The following TBX18 variants were observed in gnomAD, a reference collection of about 807,000 sequenced individuals.
TBX18 encodes T-box transcription factor 18.
TBX18 carries 21 observed loss-of-function variants against 55.0 expected under a neutral mutation model. The observed-to-expected ratio is 0.38, with a 90% CI of 0.27 to 0.55. TBX18 has a LOEUF of 0.55. Among genes scored for constraint, TBX18 ranks in the 20% least tolerant of loss-of-function variants. The pLI is 0.73. For synonymous variants in TBX18, 342 were observed against 326.1 expected (o/e 1.05, Z -0.53); for missense variants, 840 against 799.6 (o/e 1.05, Z -0.61).
rs1304557557 is a variant in TBX18, at chr6:84,762,698, C to T, written c.343G>A (p.Gly115Arg). 9.9e-6 allele frequency: 16 copies of T among 1,610,778 alleles called. No homozygotes were observed. The highest frequency in any genetic ancestry group is 1.3e-5 in the Non-Finnish European group (15 of 1,179,132). The change falls in exon 2 of 8, where the codon GGA (glycine) becomes AGA (arginine). Residue 115 changes from glycine to arginine, a missense_variant. Transcript: ENST00000369663. The part of the protein sequence containing the change: ...QQGASPLASP[G>R]GSPKGSPARS... ...GCCGGAGACCCCTTGGGGGAGCCTC[C>T]CGGTGACGCCAGAGGGGAAGCTCCC...
chr6:84,751,453 G>A (rs375242072), intron 4 of TBX18, among the ~76,000 whole-genome samples: 1 of 152,166 alleles, frequency 6.6e-6, no homozygotes, highest in South Asian at 2.1e-4. Context: ...GATTGCTCAA[G>A]AAAAATAATA....
At chr6:84,739,284 A>T (rs1200254125) in intron 6 of TBX18, among the ~76,000 whole-genome samples, 6 of 152,076 alleles carry the variant, frequency 3.9e-5, no homozygotes, top group Non-Finnish European at 8.8e-5. Context: ...AAATTATTTT[A>T]AAACCCTGAA....
At chr6:84,762,840 GA>G in intron 1 of TBX18, 92 bp from the exon 2 acceptor site, 1 of 1,240,376 alleles carries the variant, frequency 8.1e-7, no homozygotes, top group Non-Finnish European at 1.1e-6. Context: ...CTGAGAAGAG[GA>G]AAATGACCGG....
Position 84,764,398 on chromosome 6 carries a change from T to A in TBX18, c.-217A>T. On this transcript the variant is annotated 5_prime_UTR_variant, in exon 1 of 8. Transcript: ENST00000369663. Reference sequence around the variant, plus strand: ...GACGCGCCGGCCAAGTCTCCTTTCCTGGGTCTCTCTCGCGCGCTCTCTCAC... The same window carrying A: ...GACGCGCCGGCCAAGTCTCCTTTCCAGGGTCTCTCTCGCGCGCTCTCTCAC... 1.6e-6 allele frequency: 1 copy of A among 610,162 alleles called. No homozygotes were observed. The highest frequency in any genetic ancestry group is 2.6e-6 in the Non-Finnish European group (1 of 385,686). 37.8% of individuals were successfully genotyped at this position (610,162 alleles called of 1,614,324 possible).
Position 84,764,347 on chromosome 6 carries a change from G to T in TBX18, c.-166C>A. On this transcript the variant is annotated 5_prime_UTR_variant, in exon 1 of 8. Coordinates refer to ENST00000369663, the MANE Select transcript of TBX18 (RefSeq NM_001080508.3). ...ACAGATTTGGCGTTTCCGCTTTCTCGCTTGTGTTGGGATCCAGGAACCGGC... is the reference window on the plus strand; with the variant it reads ...ACAGATTTGGCGTTTCCGCTTTCTCTCTTGTGTTGGGATCCAGGAACCGGC... The T allele has an allele frequency of 9.9e-7, 1 of 1,013,290 alleles. No homozygotes were observed. Among genetic ancestry groups the T allele is most frequent in the Non-Finnish European group, 1.3e-6 (1 of 751,538 alleles). The allele number at this position is 1,013,290 out of a possible 1,614,324, so 62.8% of individuals were successfully genotyped here.
At position 84,733,148 on chromosome 6, in the gene TBX18, T is replaced by A. The variant is rs1009174084; in HGVS notation, c.*3537A>T. 1 of 152,216 alleles carries A rather than the reference T, an allele frequency of 6.6e-6. No individual in the cohort carries two copies. The highest frequency in any genetic ancestry group is 1.5e-5 in the Non-Finnish European group (1 of 68,034). 9.4% of individuals were successfully genotyped at this position (152,216 alleles called of 1,614,324 possible). ...CACATTATTTGAAAATATATCAGCA[T>A]GTAGAGGGATACTAAGTTTATATAT... On this transcript the variant is annotated 3_prime_UTR_variant, in exon 8 of 8. Transcript: ENST00000369663.
intron 6 of TBX18, among the ~76,000 whole-genome samples, chr6:84,743,882 A>C (rs1712438576): frequency 6.6e-6 from 1 of 152,220 alleles, no homozygotes; most frequent in African/African-American, 2.4e-5. Flanking sequence ...ATCGTACTCC[A>C]CAGACAATAT....
rs1773920984 is a variant in TBX18, at chr6:84,735,731, AAAAC to A, written c.*950_*953del. 1 of 152,196 alleles carries A rather than the reference AAAAC, an allele frequency of 6.6e-6. No homozygotes were observed. Among genetic ancestry groups the A allele is most frequent in the Non-Finnish European group, 1.5e-5 (1 of 68,020 alleles). 9.4% of individuals were successfully genotyped at this position (152,196 alleles called of 1,614,324 possible). A position where few individuals can be genotyped will look rare whatever the true frequency, so the allele number is the denominator to read the frequency against. On this transcript the variant is annotated 3_prime_UTR_variant, in exon 8 of 8. Coordinates refer to ENST00000369663, the MANE Select transcript of TBX18 (RefSeq NM_001080508.3). ...AGATGGAAAAAATATTCTAAATTTAAAAACAAACTATACAAAAACATAAGGTATA... is the reference window on the plus strand; with the variant it reads ...AGATGGAAAAAATATTCTAAATTTAAAAACTATACAAAAACATAAGGTATA...
chr6:84,746,273 T>C (rs1404297628), intron 5 of TBX18, among the ~76,000 whole-genome samples: 1 of 151,822 alleles, frequency 6.6e-6, no homozygotes, highest in Admixed American at 6.6e-5. Flanking sequence ...AGGTGACGAA[T>C]TGAGATTGTT....
Position 84,733,001 on chromosome 6 carries a change from G to T in TBX18, c.*3684C>A, listed in dbSNP as rs1773845189. 6.6e-6 allele frequency: 1 copy of T among 151,980 alleles called. No individual in the cohort carries two copies. Among genetic ancestry groups the T allele is most frequent in the Non-Finnish European group, 1.5e-5 (1 of 67,990 alleles). 9.4% of individuals were successfully genotyped at this position (151,980 alleles called of 1,614,324 possible). On this transcript the variant is annotated 3_prime_UTR_variant, in exon 8 of 8. Transcript: ENST00000369663. ...TTCCTTTCACACATAGCAAAACTGA[G>T]ACATAAAGCAGCTAATTTTTTTACC...
At chr6:84,752,402 A>G (rs1294660397) in intron 4 of TBX18, among the ~76,000 whole-genome samples, 4 of 152,144 alleles carry the variant, frequency 2.6e-5, no homozygotes, top group Non-Finnish European at 5.9e-5. Context: ...TGCTCCCTAC[A>G]TTTTTTGGTA....
chr6:84,750,497 A>G (rs1329129759), intron 4 of TBX18, among the ~76,000 whole-genome samples: 1 of 152,088 alleles, frequency 6.6e-6, no homozygotes, highest in Admixed American at 6.6e-5. Flanking sequence ...TTTGATATGC[A>G]GGGTTCTGTG....
At chr6:84,751,829 G>A in intron 4 of TBX18, among the ~76,000 whole-genome samples, 1 of 152,172 alleles carries the variant, frequency 6.6e-6, no homozygotes, top group South Asian at 2.1e-4. Context: ...TTTTGGAATT[G>A]GGGGCTCTGA....
At chr6:84,752,713 C>G (rs537689353) in intron 4 of TBX18, among the ~76,000 whole-genome samples, 1 of 152,264 alleles carries the variant, frequency 6.6e-6, no homozygotes, top group Admixed American at 6.5e-5. Flanking sequence ...CAGCAACCTC[C>G]CCTATAACTT....
At chr6:84,746,664 C>A (rs1569742) in intron 5 of TBX18, among the ~76,000 whole-genome samples, 129,253 of 146,822 alleles carry the variant, frequency 0.88, 57,057 homozygotes, top group South Asian at 0.96. Context: ...TACTATATTA[C>A]ACATATTACA....
rs1412466609 is a variant in TBX18 at position 84,756,873 on chromosome 6, G to C, written c.600-4C>G. ...TTTCGAACTGTGGTAAACATACCTA[G>C]AAGGCAATGACCAGGCGTTCAGTAT... On this transcript the variant is annotated splice_region_variant and splice_polypyrimidine_tract_variant and intron_variant, in intron 3 of 7. Transcript: ENST00000369663. The C allele has an allele frequency of 1.9e-6, 3 of 1,613,638 alleles. No individual in the cohort carries two copies. Among genetic ancestry groups the C allele is most frequent in the Non-Finnish European group, 2.5e-6 (3 of 1,179,652 alleles).
chr6:84,763,631 G>A (rs1462058763), intron 1 of TBX18, among the ~76,000 whole-genome samples: 1 of 152,182 alleles, frequency 6.6e-6, no homozygotes, highest in African/African-American at 2.4e-5. Context: ...TGCACCGCTA[G>A]GCGCAGCAAA....
chr6:84,763,782 T>C, intron 1 of TBX18, 108 bp downstream of exon 1: 1 of 1,418,628 alleles, frequency 7.0e-7, no homozygotes, highest in South Asian at 1.5e-5. Flanking sequence ...CGCTAGTGGC[T>C]GAGTGGCCTT....
rs774472628 is a variant in TBX18 at position 84,737,156 on chromosome 6, C to T, written c.1353G>A (p.Pro451=). 1.5e-5 allele frequency: 25 copies of T among 1,613,828 alleles called. No individual in the cohort carries two copies. The highest frequency in any genetic ancestry group is 2.2e-5 in the East Asian group (1 of 44,876). Reference sequence around the variant, plus strand: ...CGCCCACATAGGAGGGAGTCCTGGGCGGGGCAAAGGTCTCACCAGCCTGGT... The same window carrying T: ...CGCCCACATAGGAGGGAGTCCTGGGTGGGGCAAAGGTCTCACCAGCCTGGT... The part of the protein sequence containing the change: ...LTNQAGETFA[P]PRTPSYVGVS... Residue 451 remains proline, a synonymous_variant, in exon 8 of 8, where the codon CCG becomes CCA. Transcript: ENST00000369663.
Sources: gnomAD v4.1 joint callset for allele counts (sites outside exome capture counted in the v4.1 genomes callset) on GRCh38, gnomAD v4.1.1 for gene constraint, MANE v1.5 for transcripts, NCBI Gene and HGNC (gene_info 2026-07-23, HGNC 2026-07-21) for gene names.